Variants in ORC2 observed in about 807,000 individuals in gnomAD.
The protein encoded by ORC2 is origin recognition complex subunit 2, also known as origin recognition complex protein 2 homolog.
Under a neutral mutation model 77.7 loss-of-function variants are expected in ORC2, and 37 were observed. The observed-to-expected ratio is 0.48, with a 90% CI of 0.37 to 0.63. The LOEUF is 0.63. Among genes scored for constraint, ORC2 ranks in the 20% least tolerant of loss-of-function variants. ORC2 has a pLI of 0.00. For synonymous variants in ORC2, 201 were observed against 229.5 expected (o/e 0.88, Z 1.12); for missense variants, 557 against 661.9 (o/e 0.84, Z 1.74).
chr2:200,913,267 A>G (rs377753630), intron 17 of ORC2, 28 bp downstream of exon 17: 185 of 1,514,292 alleles, frequency 1.2e-4, no homozygotes, highest in Admixed American at 8.5e-4. Flanking sequence ...TATTCCTGGC[A>G]TACAATGCTA....
intron 13 of ORC2, among the ~76,000 whole-genome samples, chr2:200,925,102 T>C (rs1227484680): frequency 6.6e-6 from 1 of 152,072 alleles, no homozygotes; most frequent in African/African-American, 2.4e-5. Context: ...TATAAAAATA[T>C]CAGACAAACT....
chr2:200,917,387 T>A (rs778307282), intron 15 of ORC2, among the ~76,000 whole-genome samples: 1 of 152,046 alleles, frequency 6.6e-6, no homozygotes, highest in South Asian at 2.1e-4. Context: ...CCTGGCCTCA[T>A]GCAATCTTCC....
chr2:200,954,610 A>G (rs907745605), intron 4 of ORC2, among the ~76,000 whole-genome samples: 3 of 152,186 alleles, frequency 2.0e-5, no homozygotes, highest in Non-Finnish European at 2.9e-5. Flanking sequence ...TGACAGGTAC[A>G]ATACATCTCC....
chr2:200,933,396 G>C (rs1339077874), intron 10 of ORC2, among the ~76,000 whole-genome samples: 1 of 152,028 alleles, frequency 6.6e-6, no homozygotes, highest in Admixed American at 6.5e-5. Flanking sequence ...GCTGTTTTAT[G>C]ACCAGTGTGA....
intron 15 of ORC2, among the ~76,000 whole-genome samples, chr2:200,919,188 A>G (rs2040713150): frequency 6.6e-6 from 1 of 152,076 alleles, no homozygotes; most frequent in Non-Finnish European, 1.5e-5. Flanking sequence ...TAATCTACCC[A>G]CCCAAGAACA....
intron 8 of ORC2, among the ~76,000 whole-genome samples, chr2:200,937,433 A>C (rs1219005832): frequency 1.3e-5 from 2 of 152,184 alleles, no homozygotes; most frequent in African/African-American, 4.8e-5. Context: ...TGAATTTAAC[A>C]ATGTTGACTA....
chr2:200,957,388 C>A lies in ORC2; in HGVS notation c.238+13G>T. 6.5e-7 allele frequency: 1 copy of A among 1,546,072 alleles called. No individual in the cohort carries two copies. Among genetic ancestry groups the A allele is most frequent in the Non-Finnish European group, 8.7e-7 (1 of 1,147,382 alleles). On this transcript the variant is annotated intron_variant, in intron 4 of 17. Transcript: ENST00000234296. Reference sequence around the variant, plus strand: ...CTAGCAGAAACGAGTGTATATTTCACCCCCTCAAATACCTTGAACATCTCT... The same window carrying A: ...CTAGCAGAAACGAGTGTATATTTCAACCCCTCAAATACCTTGAACATCTCT...
At chr2:200,915,594 A>C (rs1305388762) in intron 15 of ORC2, among the ~76,000 whole-genome samples, 1 of 152,242 alleles carries the variant, frequency 6.6e-6, no homozygotes, top group Non-Finnish European at 1.5e-5. Context: ...TAAGACTCCC[A>C]TCAGTCCTTG....
intron 4 of ORC2, among the ~76,000 whole-genome samples, chr2:200,953,407 TACTG>T (rs2041402401): frequency 7.1e-6 from 1 of 141,794 alleles, no homozygotes; most frequent in African/African-American, 3.0e-5. Flanking sequence ...TTAAAAGGGC[TACTG>T]TTTTTTTTTT....
Position 200,958,036 on chromosome 2 carries a change from C to G in ORC2, c.88G>C (p.Glu30Gln), listed in dbSNP as rs749090058. The G allele has an allele frequency of 1.3e-6, 2 of 1,574,300 alleles. No homozygotes were observed. Among genetic ancestry groups the G allele is most frequent in the Admixed American group, 1.7e-5 (1 of 59,922 alleles). Residue 30 changes from glutamate (E) to glutamine (Q), a missense_variant, in exon 3 of 18, where the codon GAA becomes CAA. By Grantham distance (29) the Glu-to-Gln change is conservative. Coordinates refer to ENST00000234296, the MANE Select transcript of ORC2 (RefSeq NM_006190.5). ...DDVLNHILDR[E>Q]GGAKLKKERA... ...TTGTACAATCACTTAATACCTCCTT[C>G]TCTATCTAGAATGTGATTAAGAACA...
At chr2:200,950,929 A>G (rs1297596403) in intron 4 of ORC2, among the ~76,000 whole-genome samples, 1 of 152,186 alleles carries the variant, frequency 6.6e-6, no homozygotes, top group Non-Finnish European at 1.5e-5. Flanking sequence ...CATTAATGAC[A>G]CTGAACATTT....
In ORC2 at chr2:200,935,728, G is replaced by C. The variant is rs2041030233; in HGVS notation, c.679C>G (p.Pro227Ala). The C allele has an allele frequency of 6.2e-7, 1 of 1,612,080 alleles. No homozygotes were observed. Among genetic ancestry groups the C allele is most frequent in the East Asian group, 2.2e-5 (1 of 44,764 alleles). ...VVSAPVGKET[P>A]SKRMKRDKTS... is the part of the protein sequence containing the mutation. ...TTATCTCTTTTCATTCTCTTAGAAG[G>C]TGTTTCTTTGCCAACAGGAGCTGAA... Residue 227 changes from proline to alanine, a missense_variant, in exon 9 of 18, where the codon CCT becomes GCT. Transcript: ENST00000234296.
At chr2:200,932,296 A>G (rs1282268306) in intron 10 of ORC2, among the ~76,000 whole-genome samples, 3 of 151,118 alleles carry the variant, frequency 2.0e-5, no homozygotes, top group Non-Finnish European at 4.4e-5. Context: ...GAGTGTGAAC[A>G]CTAGAATGTT....
chr2:200,963,338 T>C (rs1465530524), intron 1 of ORC2, 152 bp downstream of exon 1: 2 of 397,472 alleles, frequency 5.0e-6, no homozygotes, highest in African/African-American at 4.1e-5. Context: ...GCAAAGACCA[T>C]GCCCCAAGTG....
chr2:200,925,740 T>A, intron 13 of ORC2, 96 bp downstream of exon 13: 6 of 361,136 alleles, frequency 1.7e-5, no homozygotes, highest in Admixed American at 3.8e-5. Flanking sequence ...GTCTCAAAAA[T>A]AATAATAATA....
intron 9 of ORC2, 108 bp downstream of exon 9, chr2:200,935,591 A>G: frequency 1.3e-6 from 1 of 797,876 alleles, no homozygotes; most frequent in South Asian, 2.1e-5. Flanking sequence ...AAAATATAGA[A>G]AAGTGAAGAA....
intron 15 of ORC2, among the ~76,000 whole-genome samples, chr2:200,915,788 G>A (rs1471354167): frequency 6.6e-6 from 1 of 151,998 alleles, no homozygotes; most frequent in Non-Finnish European, 1.5e-5. Context: ...TGGCCTCCCA[G>A]GTTCAAGCGA....
At chr2:200,961,415 G>A (rs565221261) in intron 1 of ORC2, among the ~76,000 whole-genome samples, 5 of 152,284 alleles carry the variant, frequency 3.3e-5, no homozygotes, top group African/African-American at 1.2e-4. Flanking sequence ...GCCTCCCCAA[G>A]TGCTGGGACT....
At chr2:200,944,365 G>T (rs2041213468) in intron 5 of ORC2, among the ~76,000 whole-genome samples, 1 of 152,066 alleles carries the variant, frequency 6.6e-6, no homozygotes. Context: ...AGTAGAGCGG[G>T]GGTTTCACCA....
Sources: gnomAD v4.1 joint callset for allele counts (sites outside exome capture counted in the v4.1 genomes callset) on GRCh38, gnomAD v4.1.1 for gene constraint, MANE v1.5 for transcripts, NCBI Gene and HGNC (gene_info 2026-07-23, HGNC 2026-07-21) for gene names.